The following CUX1 variants were observed in gnomAD, a reference collection of about 807,000 sequenced individuals.
CUX1 encodes the protein cut like homeobox 1, also known as protein CASP.
CUX1 carries 31 observed loss-of-function variants against 158.8 expected under a neutral mutation model. The observed-to-expected ratio is 0.20, with a 90% CI of 0.15 to 0.26. The LOEUF is 0.26. Ranked by LOEUF, CUX1 falls within the 10% of genes least tolerant of loss-of-function variation. The pLI is 1.00. For missense variants in CUX1, 1,589 were observed against 2,014.6 expected (o/e 0.79, Z 4.04); for synonymous variants, 879 against 862.1 (o/e 1.02, Z -0.34).
intron 9 of CUX1, among the ~76,000 whole-genome samples, chr7:102,166,538 A>G (rs782675923): frequency 3.3e-5 from 5 of 152,118 alleles, no homozygotes; most frequent in Non-Finnish European, 7.4e-5. Context: ...GGTCTTCAGG[A>G]AGACGCCAGA....
intron 1 of CUX1, among the ~76,000 whole-genome samples, chr7:101,904,285 G>C (rs191980968): frequency 6.6e-6 from 1 of 152,280 alleles, no homozygotes; most frequent in East Asian, 1.9e-4. Context: ...GGGTAACACA[G>C]TGAGACCCTG....
At chr7:102,065,142 C>T (rs930339265) in intron 3 of CUX1, among the ~76,000 whole-genome samples, 1 of 151,946 alleles carries the variant, frequency 6.6e-6, no homozygotes, top group African/African-American at 2.4e-5. Flanking sequence ...AGTGCAGTGG[C>T]TCAATCATAG....
chr7:102,042,058 G>GTA (rs1822185411), intron 3 of CUX1, among the ~76,000 whole-genome samples: 2 of 151,928 alleles, frequency 1.3e-5, no homozygotes, highest in Non-Finnish European at 2.9e-5. Flanking sequence ...GTGTGAGTGT[G>GTA]TGTGTGTGTG....
chr7:102,098,339 C>T (rs1357152056), intron 5 of CUX1, among the ~76,000 whole-genome samples: 7 of 152,180 alleles, frequency 4.6e-5, no homozygotes, highest in African/African-American at 9.7e-5. Flanking sequence ...GGGCCACGTG[C>T]GGTGGTTCAC....
chr7:101,915,121 G>A (rs975516285), intron 1 of CUX1, among the ~76,000 whole-genome samples: 3 of 152,152 alleles, frequency 2.0e-5, no homozygotes, highest in East Asian at 1.9e-4. Flanking sequence ...CCAGCAGAAC[G>A]GGCCGCTGTG....
chr7:101,936,008 C>G (rs1186776624), intron 2 of CUX1, among the ~76,000 whole-genome samples: 1 of 152,166 alleles, frequency 6.6e-6, no homozygotes, highest in African/African-American at 2.4e-5. Context: ...TCTTATTCAA[C>G]AACGATCTGT....
At chr7:102,240,685 A>G (rs1800101618) in intron 23 of CUX1, among the ~76,000 whole-genome samples, 1 of 152,178 alleles carries the variant, frequency 6.6e-6, no homozygotes, top group Admixed American at 6.6e-5. Flanking sequence ...CATTTGGGAA[A>G]GTTCATGAGT....
At chr7:102,280,703 C>T in intron 19 of CUX1, 7 of 1,214,896 alleles carry the variant, frequency 5.8e-6, no homozygotes, top group Admixed American at 5.6e-5. Flanking sequence ...GCAAGAACAG[C>T]GGGCAGGGTG....
chr7:102,109,999 A>G (rs1830719361), intron 6 of CUX1, among the ~76,000 whole-genome samples: 1 of 152,168 alleles, frequency 6.6e-6, no homozygotes, highest in Non-Finnish European at 1.5e-5. Flanking sequence ...AGGGAGAACT[A>G]TGTTTGCTGG....
Position 102,196,670 on chromosome 7 carries a change from G to A in CUX1, c.1259G>A (p.Ser420Asn), listed in dbSNP as rs1447663018. ...ARRKGKDQPE[S>N]RRPGSLPAPP... The stretch of plus-strand genomic sequence containing the variant: ...AGGAAAGGGAAAGACCAGCCTGAAA[G>A]TCGGCGCCCGGGATCTTTGCCGGCC... The change falls in exon 15 of 24, where the codon AGT (serine) becomes AAT (asparagine). Residue 420 changes from serine to asparagine, a missense_variant. Transcript: ENST00000292535. The A allele has an allele frequency of 1.3e-6, 2 of 1,591,846 alleles. No individual in the cohort carries two copies. The highest frequency in any genetic ancestry group is 3.5e-5 in the Admixed American group (2 of 57,102).
rs76568649 is a variant in CUX1, at chr7:102,207,237, A to C, written c.3130+2067A>C. ...AAAAGGCGATGAGCCCCTGGATGAA[A>C]CGGAACAGAGTGTAGAAGTTGCCAG... On this transcript the variant is annotated intron_variant, in intron 20 of 23. Transcript: ENST00000292535. Among the ~76,000 whole-genome samples the C allele has an allele frequency of 7.4e-3, 1,124 of 152,238 alleles. 14 individuals carry two copies. Among genetic ancestry groups the C allele is most frequent in the African/African-American group, 0.026 (1,087 of 41,542 alleles).
At chr7:102,108,799 G>A (rs1830623681) in intron 6 of CUX1, among the ~76,000 whole-genome samples, 1 of 148,352 alleles carries the variant, frequency 6.7e-6, no homozygotes, top group Admixed American at 6.7e-5. Context: ...CTGTCACCTA[G>A]GCTGCAGTGC....
At chr7:102,278,507 G>A (rs189747882) in intron 18 of CUX1, among the ~76,000 whole-genome samples, 4 of 151,150 alleles carry the variant, frequency 2.6e-5, no homozygotes, top group African/African-American at 9.7e-5. Context: ...CAGGAGAATC[G>A]CTGGAACCCA....
At chr7:101,965,236 C>T (rs1811024942) in intron 2 of CUX1, among the ~76,000 whole-genome samples, 1 of 152,172 alleles carries the variant, frequency 6.6e-6, no homozygotes, top group Non-Finnish European at 1.5e-5. Flanking sequence ...ATCCAGCTGA[C>T]GTTGATCAGG....
intron 22 of CUX1, among the ~76,000 whole-genome samples, chr7:102,237,888 G>T (rs968674630): frequency 7.6e-6 from 1 of 132,372 alleles, no homozygotes; most frequent in Non-Finnish European, 1.6e-5. Flanking sequence ...GGCCACGTGG[G>T]TCACATGTCC....
chr7:102,065,118 G>A (rs931579637), intron 3 of CUX1, among the ~76,000 whole-genome samples: 11 of 151,932 alleles, frequency 7.2e-5, no homozygotes, highest in African/African-American at 1.2e-4. Context: ...GTCTCACTTG[G>A]TCATCCAGGC....
chr7:102,197,702 T>C (rs988063407), intron 15 of CUX1, among the ~76,000 whole-genome samples: 1 of 152,140 alleles, frequency 6.6e-6, no homozygotes, highest in African/African-American at 2.4e-5. Context: ...AGCAGCAACG[T>C]TGACTGGGCT....
At chr7:102,207,888 G>A (rs1207837937) in intron 20 of CUX1, among the ~76,000 whole-genome samples, 2 of 152,280 alleles carry the variant, frequency 1.3e-5, no homozygotes, top group African/African-American at 2.4e-5. Flanking sequence ...TTTACTATCA[G>A]AGGTTACTTT....
chr7:102,043,458 A>G (rs1822367687), intron 3 of CUX1, among the ~76,000 whole-genome samples: 1 of 151,924 alleles, frequency 6.6e-6, no homozygotes, highest in African/African-American at 2.4e-5. Flanking sequence ...GTACCTTGGA[A>G]AAGAAAACCT....
Sources: gnomAD v4.1 joint callset for allele counts (sites outside exome capture counted in the v4.1 genomes callset) on GRCh38, gnomAD v4.1.1 for gene constraint, MANE v1.5 for transcripts, NCBI Gene and HGNC (gene_info 2026-07-23, HGNC 2026-07-21) for gene names.